DNAH11: variants seen among roughly 807,000 people sequenced by gnomAD.
DNAH11 encodes dynein axonemal heavy chain 11.
A neutral mutation model predicts 526.0 loss-of-function variants in DNAH11; 442 were observed. The observed-to-expected ratio is 0.84, with a 90% CI of 0.78 to 0.91. DNAH11 has a LOEUF of 0.91. Ranked by LOEUF, DNAH11 falls within the 40% of genes least tolerant of loss-of-function variation. The probability of loss-of-function intolerance (pLI) is 0.00; values close to 1 mark genes in which losing one functional copy is unlikely to be tolerated. For missense variants in DNAH11, 6,989 were observed against 5,448.7 expected (o/e 1.28, Z -8.90); for synonymous variants, 2,461 against 1,935.9 (o/e 1.27, Z -7.12).
At chr7:21,765,610 TCACACACACACACACACACA>T (rs3219983) in intron 55 of DNAH11, 21 bp downstream of exon 55, 23,935 of 948,884 alleles carry the variant, frequency 0.025, 59 homozygotes, top group East Asian at 0.096. Flanking sequence ...TCAGCCTGCG[TCACACACACACACACACACA>T]CACACACACA....
chr7:21,590,267 A>G (rs557141803), intron 12 of DNAH11, among the ~76,000 whole-genome samples: 1 of 152,292 alleles, frequency 6.6e-6, no homozygotes, highest in East Asian at 1.9e-4. Context: ...TAAACAAACG[A>G]TCTCCAAGTC....
intron 30 of DNAH11, among the ~76,000 whole-genome samples, chr7:21,676,800 T>C (rs902511414): frequency 3.9e-5 from 6 of 152,244 alleles, no homozygotes; most frequent in African/African-American, 1.2e-4. Context: ...TGGTGTAAGA[T>C]TGGATACTGC....
At chr7:21,833,326 C>T (rs1029289840) in intron 65 of DNAH11, among the ~76,000 whole-genome samples, 1 of 152,130 alleles carries the variant, frequency 6.6e-6, no homozygotes, top group African/African-American at 2.4e-5. Flanking sequence ...AAGGTGGTGA[C>T]ACACTGGAAT....
chr7:21,735,670 C>A lies in DNAH11; in HGVS notation c.7471C>A (p.Arg2491Ser). 6.2e-7 allele frequency: 1 copy of A among 1,605,500 alleles called. No individual in the cohort carries two copies. Among genetic ancestry groups the A allele is most frequent in the Non-Finnish European group, 8.5e-7 (1 of 1,175,272 alleles). ...TCTCGTTCACACAACAGAGACAGCT[C>A]GTCTTAGATATTTCATGGAGTTGTT... ...TVLVHTTETARLRYFMELLLE... is the reference protein window; with the variant it reads ...TVLVHTTETASLRYFMELLLE... The change falls in exon 46 of 82, where the codon CGT becomes AGT. Residue 2491 changes from arginine (R) to serine (S), a missense_variant. Coordinates refer to ENST00000409508, the MANE Select transcript of DNAH11 (RefSeq NM_001277115.2).
intron 55 of DNAH11, among the ~76,000 whole-genome samples, chr7:21,772,024 TTGAGAA>T (rs1359413884): frequency 1.3e-5 from 2 of 152,130 alleles, no homozygotes; most frequent in African/African-American, 4.8e-5. Flanking sequence ...AAGTGACAAA[TTGAGAA>T]TGCAGGGAAG....
chr7:21,693,670 T>C (rs922415866), intron 35 of DNAH11, among the ~76,000 whole-genome samples: 7 of 152,258 alleles, frequency 4.6e-5, no homozygotes, highest in Non-Finnish European at 1.0e-4. Flanking sequence ...TTTTAATTTT[T>C]TTATTGATTT....
At chr7:21,701,007 A>G (rs1583606954) in intron 36 of DNAH11, among the ~76,000 whole-genome samples, 1 of 152,124 alleles carries the variant, frequency 6.6e-6, no homozygotes, top group Non-Finnish European at 1.5e-5. Flanking sequence ...TACCTAATGT[A>G]GATAACAGGT....
chr7:21,765,920 G>GCTTGC (rs1787167722), intron 55 of DNAH11, among the ~76,000 whole-genome samples: 1 of 152,056 alleles, frequency 6.6e-6, no homozygotes, highest in South Asian at 2.1e-4. Context: ...TCATAATGGG[G>GCTTGC]CTTGCTGATT....
rs542973761 is a variant in DNAH11 at position 21,841,788 on chromosome 7, C to T, written c.10692-756C>T. 1.3e-4 allele frequency among the ~76,000 whole-genome samples: 20 copies of T among 152,264 alleles called. No homozygotes were observed. In the South Asian group the frequency reaches 3.7e-3, roughly 28 times the overall value. On this transcript the variant is annotated intron_variant, in intron 65 of 81. Transcript: ENST00000409508. The stretch of plus-strand genomic sequence containing the variant: ...GTCAAATAAAAATTTGTAAATTAGA[C>T]GATAATCATACAAATGCACGACACT...
intron 54 of DNAH11, 146 bp downstream of exon 54, chr7:21,750,510 C>A (rs542278671): frequency 2.7e-6 from 3 of 1,097,934 alleles, no homozygotes; most frequent in East Asian, 2.6e-5. Context: ...GTATCTGGAG[C>A]GTACCTTCCT....
intron 35 of DNAH11, among the ~76,000 whole-genome samples, chr7:21,693,258 G>A (rs143861566): frequency 6.8e-4 from 104 of 152,240 alleles, no homozygotes; most frequent in African/African-American, 2.5e-3. Flanking sequence ...TTAATGTGCT[G>A]AACTATATTG....
intron 76 of DNAH11, among the ~76,000 whole-genome samples, chr7:21,889,745 C>A (rs1260142960): frequency 6.6e-6 from 1 of 152,196 alleles, no homozygotes; most frequent in Non-Finnish European, 1.5e-5. Flanking sequence ...GGCATTATAA[C>A]AGCTTTCTCA....
At chr7:21,763,339 CAA>C (rs1243002469) in intron 54 of DNAH11, among the ~76,000 whole-genome samples, 4 of 10,708 alleles carry the variant, frequency 3.7e-4, no homozygotes, top group Non-Finnish European at 8.6e-4. Context: ...AAGACTGTCT[CAA>C]AAAAAAAAAA....
chr7:21,732,186 G>T (rs1785414736), intron 45 of DNAH11, among the ~76,000 whole-genome samples: 2 of 152,170 alleles, frequency 1.3e-5, no homozygotes, highest in African/African-American at 4.8e-5. Context: ...GAGGCTAGCA[G>T]TCCAAGTTCA....
chr7:21,809,997 A>G (rs1373543433), intron 63 of DNAH11, among the ~76,000 whole-genome samples: 2 of 152,240 alleles, frequency 1.3e-5, no homozygotes, highest in Non-Finnish European at 2.9e-5. Context: ...AACAGAAGTG[A>G]TAACTGAAAT....
At chr7:21,854,804 G>C (rs1268749497) in intron 68 of DNAH11, among the ~76,000 whole-genome samples, 2 of 152,094 alleles carry the variant, frequency 1.3e-5, no homozygotes, top group Non-Finnish European at 2.9e-5. Flanking sequence ...TGGCCTCCCA[G>C]AGTGCTGAGA....
chr7:21,753,208 G>C (rs1786487599), intron 54 of DNAH11, among the ~76,000 whole-genome samples: 1 of 152,114 alleles, frequency 6.6e-6, no homozygotes, highest in Non-Finnish European at 1.5e-5. Flanking sequence ...GGTGCAGTAT[G>C]TTCATGTTCC....
intron 20 of DNAH11, among the ~76,000 whole-genome samples, chr7:21,613,521 A>G (rs894236961): frequency 2.5e-4 from 26 of 105,952 alleles, no homozygotes; most frequent in African/African-American, 8.6e-4. Flanking sequence ...ACTTGTAAAA[A>G]TGAAAGCAGG....
intron 56 of DNAH11, among the ~76,000 whole-genome samples, chr7:21,777,399 T>G (rs1196384775): frequency 1.5e-5 from 2 of 137,854 alleles, no homozygotes; most frequent in African/African-American, 3.0e-5. Context: ...CGTGTACAGG[T>G]TTTTTTTTTT....
Sources: allele counts gnomAD v4.1 joint callset (sites outside exome capture counted in the v4.1 genomes callset), GRCh38; gene constraint gnomAD v4.1.1; transcripts MANE v1.5; gene names NCBI Gene and HGNC (gene_info 2026-07-23, HGNC 2026-07-21).